ZNF609: variants seen among roughly 807,000 people sequenced by gnomAD.
The protein encoded by ZNF609 is zinc finger protein 609.
A neutral mutation model predicts 109.5 loss-of-function variants in ZNF609; 11 were observed. That is an observed-to-expected ratio of 0.10 (90% CI 0.06 to 0.17). The LOEUF is 0.17. Among genes scored for constraint, ZNF609 ranks in the 10% least tolerant of loss-of-function variants. ZNF609 has a pLI of 1.00. For synonymous variants in ZNF609, 646 were observed against 662.0 expected (o/e 0.98, Z 0.37); for missense variants, 1,559 against 1,772.4 (o/e 0.88, Z 2.16).
intron 2 of ZNF609, among the ~76,000 whole-genome samples, chr15:64,575,263 A>G (rs1481952703): frequency 6.6e-6 from 1 of 152,098 alleles, no homozygotes; most frequent in African/African-American, 2.4e-5. Flanking sequence ...CGTCTCTACT[A>G]AAAATACAAA....
At chr15:64,591,430 AAAACAAAC>A (rs367966675) in intron 2 of ZNF609, among the ~76,000 whole-genome samples, 2 of 152,108 alleles carry the variant, frequency 1.3e-5, no homozygotes, top group Admixed American at 1.3e-4. Context: ...TCTATCTCAA[AAAACAAAC>A]AAACAAACAA....
At chr15:64,577,521 A>G (rs1320660253) in intron 2 of ZNF609, among the ~76,000 whole-genome samples, 14 of 55,724 alleles carry the variant, frequency 2.5e-4, no homozygotes, top group Non-Finnish European at 4.6e-4. Context: ...ATATATATAC[A>G]CATATAAATA....
intron 2 of ZNF609, among the ~76,000 whole-genome samples, chr15:64,571,862 A>G (rs962285235): frequency 6.6e-5 from 10 of 152,048 alleles, no homozygotes; most frequent in African/African-American, 2.2e-4. Flanking sequence ...AGTAGAGACA[A>G]GATTTCGCCA....
At chr15:64,602,202 A>T (rs945049331) in intron 2 of ZNF609, among the ~76,000 whole-genome samples, 1 of 152,102 alleles carries the variant, frequency 6.6e-6, no homozygotes, top group Non-Finnish European at 1.5e-5. Context: ...AGTTTATTTA[A>T]CACTAGCCCA....
intron 1 of ZNF609, among the ~76,000 whole-genome samples, chr15:64,498,469 AAG>A (rs112233645): frequency 7.9e-5 from 12 of 152,288 alleles, no homozygotes; most frequent in African/African-American, 2.9e-4. Flanking sequence ...TGAGAAAGTG[AAG>A]AGTTATTCTA....
intron 2 of ZNF609, among the ~76,000 whole-genome samples, chr15:64,512,112 A>T (rs1893742555): frequency 2.0e-5 from 3 of 152,048 alleles, no homozygotes; most frequent in Non-Finnish European, 4.4e-5. Context: ...TGCTCAGTGT[A>T]CAGGATGCTT....
At chr15:64,591,450 C>G in intron 2 of ZNF609, among the ~76,000 whole-genome samples, 1 of 151,826 alleles carries the variant, frequency 6.6e-6, no homozygotes, top group East Asian at 1.9e-4. Flanking sequence ...AACAAACAAA[C>G]AAAAACAGCC....
At chr15:64,583,233 A>G (rs1316091781) in intron 2 of ZNF609, among the ~76,000 whole-genome samples, 1 of 150,918 alleles carries the variant, frequency 6.6e-6, no homozygotes, top group Non-Finnish European at 1.5e-5. Context: ...GGGTTTCATC[A>G]TCTTGGCCAG....
At chr15:64,561,552 CTTT>C (rs771022478) in intron 2 of ZNF609, among the ~76,000 whole-genome samples, 1 of 129,902 alleles carries the variant, frequency 7.7e-6, no homozygotes. Flanking sequence ...TTTTCTTTTT[CTTT>C]TTTTTTTTTT....
chr15:64,481,789 A>G (rs1346350864), intron 1 of ZNF609, among the ~76,000 whole-genome samples: 2 of 151,584 alleles, frequency 1.3e-5, no homozygotes, highest in African/African-American at 4.8e-5. Flanking sequence ...TTTTTTGTTT[A>G]TTTGTTTGTT....
intron 2 of ZNF609, among the ~76,000 whole-genome samples, chr15:64,554,846 C>CG (rs1349959358): frequency 6.6e-6 from 1 of 151,958 alleles, no homozygotes; most frequent in African/African-American, 2.4e-5. Flanking sequence ...CCTGTAATCC[C>CG]AGCACTTTGG....
intron 3 of ZNF609, among the ~76,000 whole-genome samples, chr15:64,626,799 A>G (rs1015296010): frequency 6.6e-6 from 1 of 152,210 alleles, no homozygotes; most frequent in Non-Finnish European, 1.5e-5. Flanking sequence ...TTCAGTAAGC[A>G]CTGCAAAGAT....
intron 4 of ZNF609, among the ~76,000 whole-genome samples, chr15:64,672,841 G>T (rs1485853268): frequency 6.6e-6 from 1 of 150,654 alleles, no homozygotes; most frequent in African/African-American, 2.4e-5. Flanking sequence ...GCTCATGCCT[G>T]TAACCCCAGC....
At chr15:64,481,817 C>T (rs1006091680) in intron 1 of ZNF609, among the ~76,000 whole-genome samples, 13 of 152,008 alleles carry the variant, frequency 8.6e-5, no homozygotes, top group Admixed American at 5.2e-4. Flanking sequence ...TGAAGTCTTG[C>T]TCTGTCGCCT....
chr15:64,609,116 C>CTTTCTTTCTTTCTTTCTT (rs1567028291), intron 2 of ZNF609, among the ~76,000 whole-genome samples: 2 of 30,056 alleles, frequency 6.7e-5, no homozygotes, highest in African/African-American at 1.2e-4. Context: ...TTCTTTCTTT[C>CTTTCTTTCTTTCTTTCTT]TTTCTTTCTT....
chr15:64,593,274 C>G lies in ZNF609; in HGVS notation c.748-29553C>G, dbSNP rs1895334142. ...GCCCGCAAGGACCGAACACCCCCACCCCGATTTAGACCTGCGGGTGCTGCC... is the reference window on the plus strand; with the variant it reads ...GCCCGCAAGGACCGAACACCCCCACGCCGATTTAGACCTGCGGGTGCTGCC... On this transcript the variant is annotated intron_variant, in intron 2 of 9. Transcript: ENST00000326648. 4.0e-6 allele frequency: 6 copies of G among 1,515,302 alleles called. No individual in the cohort carries two copies. The East Asian group carries it at 1.3e-4, about 34-fold the overall frequency. The allele number at this position is 1,515,302 out of a possible 1,614,324, so 93.9% of individuals were successfully genotyped here.
chr15:64,500,621 T>C, intron 2 of ZNF609: 3 of 579,386 alleles, frequency 5.2e-6, no homozygotes, highest in Non-Finnish European at 9.2e-6. Context: ...AATGGTGCTG[T>C]TGGGTCTCTG....
chr15:64,676,292 A>T, intron 5 of ZNF609, 36 bp downstream of exon 5: 1 of 1,549,590 alleles, frequency 6.5e-7, no homozygotes, highest in South Asian at 1.2e-5. Context: ...GAAATACCGT[A>T]TGGTAATCGT....
At chr15:64,614,261 T>C (rs1400898566) in intron 2 of ZNF609, among the ~76,000 whole-genome samples, 3 of 150,888 alleles carry the variant, frequency 2.0e-5, no homozygotes, top group Non-Finnish European at 4.4e-5. Context: ...GACGGAGTCT[T>C]GCTCTGTCGC....
Sources: gnomAD v4.1 joint callset for allele counts (sites outside exome capture counted in the v4.1 genomes callset) on GRCh38, gnomAD v4.1.1 for gene constraint, MANE v1.5 for transcripts, NCBI Gene and HGNC (gene_info 2026-07-23, HGNC 2026-07-21) for gene names.